Variants in VPS13B observed in about 807,000 individuals in gnomAD.
VPS13B encodes the protein vacuolar protein sorting 13 homolog B.
A neutral mutation model predicts 426.4 loss-of-function variants in VPS13B; 285 were observed. The observed-to-expected ratio is 0.67, with a 90% CI of 0.61 to 0.74. The LOEUF (loss-of-function observed/expected upper bound fraction) is 0.74, where lower values mean the gene tolerates loss of function less well. Ranked by LOEUF, VPS13B falls within the 30% of genes least tolerant of loss-of-function variation. VPS13B has a pLI of 0.00. For missense variants in VPS13B, 4,537 were observed against 4,782.6 expected (o/e 0.95, Z 1.51); for synonymous variants, 1,676 against 1,676.4 (o/e 1.00, Z 0.01).
intron 36 of VPS13B, among the ~76,000 whole-genome samples, chr8:99,706,970 C>T (rs1033253544): frequency 2.6e-5 from 4 of 152,260 alleles, no homozygotes; most frequent in Admixed American, 6.5e-5. Context: ...AGGAAAGCTT[C>T]TAGCAAAGCA....
intron 35 of VPS13B, among the ~76,000 whole-genome samples, chr8:99,691,402 T>C (rs965787370): frequency 2.0e-5 from 3 of 152,144 alleles, no homozygotes; most frequent in Non-Finnish European, 2.9e-5. Context: ...ATAAGGTGTT[T>C]TAAAAAATAA....
chr8:99,734,002 A>T (rs1833707882), intron 39 of VPS13B, among the ~76,000 whole-genome samples: 1 of 152,056 alleles, frequency 6.6e-6, no homozygotes. Context: ...GAAACTTAGG[A>T]CTCTTTAGCT....
chr8:99,765,269 A>C (rs1302743551), intron 39 of VPS13B, among the ~76,000 whole-genome samples: 1 of 152,204 alleles, frequency 6.6e-6, no homozygotes, highest in African/African-American at 2.4e-5. Flanking sequence ...TTTTTTTCTC[A>C]TGCTTGTACA....
In VPS13B at chr8:99,497,233, A is replaced by G. The variant is rs907687115; in HGVS notation, c.3871-4454A>G. Among the ~76,000 whole-genome samples the G allele has an allele frequency of 2.1e-5, 3 of 143,030 alleles. No homozygotes were observed. The Admixed American group carries it at 2.2e-4, about 10-fold the overall frequency. The allele number at this position is 143,030 out of a possible 152,430, so 93.8% of individuals were successfully genotyped here. A position where few individuals can be genotyped will look rare whatever the true frequency, so the allele number is the denominator to read the frequency against. On this transcript the variant is annotated intron_variant, in intron 25 of 61. Transcript: ENST00000357162. ...AATATATATAAATACATGTATTTAT[A>G]TATACATATATGTATGTATTTATGT...
chr8:99,086,069 C>T (rs532648262), intron 3 of VPS13B, among the ~76,000 whole-genome samples: 1 of 152,288 alleles, frequency 6.6e-6, no homozygotes, highest in South Asian at 2.1e-4. Context: ...AACTTGTTTC[C>T]ATTCTCCCTG....
intron 3 of VPS13B, among the ~76,000 whole-genome samples, chr8:99,081,914 A>G (rs956946791): frequency 2.0e-5 from 3 of 152,134 alleles, no homozygotes; most frequent in South Asian, 2.1e-4. Context: ...TAGTGCCTCA[A>G]TAAACATACA....
At chr8:99,068,388 A>G (rs1844659150) in intron 3 of VPS13B, among the ~76,000 whole-genome samples, 1 of 152,200 alleles carries the variant, frequency 6.6e-6, no homozygotes, top group African/African-American at 2.4e-5. Context: ...ATTTTTAATA[A>G]AGACAGATGA....
intron 39 of VPS13B, among the ~76,000 whole-genome samples, chr8:99,740,470 G>A (rs1809650221): frequency 6.6e-6 from 1 of 152,102 alleles, no homozygotes; most frequent in South Asian, 2.1e-4. Flanking sequence ...GAAATACAGA[G>A]AACGCCACAA....
chr8:99,548,767 A>C (rs1479832529), intron 30 of VPS13B, among the ~76,000 whole-genome samples: 3 of 151,984 alleles, frequency 2.0e-5, no homozygotes, highest in African/African-American at 7.2e-5. Context: ...AAATGAAGTA[A>C]ATCAGTGCAT....
chr8:99,589,539 C>CA (rs1826496430), intron 33 of VPS13B, among the ~76,000 whole-genome samples: 1 of 151,680 alleles, frequency 6.6e-6, no homozygotes, highest in Non-Finnish European at 1.5e-5. Flanking sequence ...ATGAACTCAT[C>CA]TTTTTTTATG....
intron 23 of VPS13B, among the ~76,000 whole-genome samples, chr8:99,452,249 A>G (rs1157054204): frequency 6.6e-6 from 1 of 151,920 alleles, no homozygotes; most frequent in African/African-American, 2.4e-5. Context: ...ATCCTTCCCA[A>G]TCTGTCCTCT....
At chr8:99,676,451 A>C (rs1389943950) in intron 35 of VPS13B, among the ~76,000 whole-genome samples, 1 of 152,002 alleles carries the variant, frequency 6.6e-6, no homozygotes, top group Non-Finnish European at 1.5e-5. Context: ...GGGCTACAAG[A>C]GTCTGCCTGA....
chr8:99,797,479 T>C (rs550398382), intron 43 of VPS13B, among the ~76,000 whole-genome samples: 1 of 152,340 alleles, frequency 6.6e-6, no homozygotes, highest in African/African-American at 2.4e-5. Flanking sequence ...AATAAAATTG[T>C]CAACACTGTT....
intron 35 of VPS13B, among the ~76,000 whole-genome samples, chr8:99,668,897 T>C (rs1462224305): frequency 2.0e-5 from 3 of 152,278 alleles, no homozygotes; most frequent in Non-Finnish European, 4.4e-5. Context: ...AGCAGGTTAA[T>C]TTGAATCATA....
At chr8:99,127,566 C>T (rs1588067792) in intron 8 of VPS13B, among the ~76,000 whole-genome samples, 3 of 152,206 alleles carry the variant, frequency 2.0e-5, no homozygotes, top group East Asian at 3.9e-4. Flanking sequence ...TCAGCTGTAC[C>T]TCTAGGATGC....
chr8:99,533,571 T>C (rs1209191067), intron 30 of VPS13B, among the ~76,000 whole-genome samples: 2 of 152,196 alleles, frequency 1.3e-5, no homozygotes, highest in Non-Finnish European at 1.5e-5. Flanking sequence ...GTTTTACATA[T>C]ATACTTTAAC....
At chr8:99,122,351 A>G (rs1017574813) in intron 8 of VPS13B, among the ~76,000 whole-genome samples, 1 of 152,034 alleles carries the variant, frequency 6.6e-6, no homozygotes, top group African/African-American at 2.4e-5. Flanking sequence ...ACAAAAATAT[A>G]TATGATATAT....
rs527348247 is a variant in VPS13B at position 99,442,762 on chromosome 8, A to G, written c.3445+127A>G. Reference sequence around the variant, plus strand: ...TCATTGAAAGATTTTTCCTGACCAAAGTAAGTGAACTAAGTGATGCCATTT... The same window carrying G: ...TCATTGAAAGATTTTTCCTGACCAAGGTAAGTGAACTAAGTGATGCCATTT... On this transcript the variant is annotated intron_variant, in intron 23 of 61. Transcript: ENST00000357162. The G allele has an allele frequency of 4.5e-5, 41 of 916,404 alleles. No homozygotes were observed. In the East Asian group the frequency reaches 1.0e-3, roughly 23 times the overall value. 56.8% of individuals were successfully genotyped at this position (916,404 alleles called of 1,614,324 possible).
intron 3 of VPS13B, among the ~76,000 whole-genome samples, chr8:99,065,588 C>A (rs945276829): frequency 6.6e-6 from 1 of 152,150 alleles, no homozygotes; most frequent in African/African-American, 2.4e-5. Context: ...CCTTTGAAAA[C>A]CGGCACAACA....
Sources: gnomAD v4.1 joint callset for allele counts (sites outside exome capture counted in the v4.1 genomes callset) on GRCh38, gnomAD v4.1.1 for gene constraint, MANE v1.5 for transcripts, NCBI Gene and HGNC (gene_info 2026-07-23, HGNC 2026-07-21) for gene names.